Variants in LRBA observed in about 807,000 individuals in gnomAD.
The protein encoded by LRBA is LPS responsive beige-like anchor protein, also known as lipopolysaccharide-responsive and beige-like anchor protein.
A neutral mutation model predicts 330.0 loss-of-function variants in LRBA; 176 were observed. The observed-to-expected ratio is 0.53, with a 90% confidence interval of 0.47 to 0.60. LRBA has a LOEUF of 0.60. LRBA is among the 20% of genes least tolerant of loss of function. The pLI, the probability that LRBA is intolerant of heterozygous loss-of-function variation, is 0.00. For synonymous variants in LRBA, 1,230 were observed against 1,193.0 expected (o/e 1.03, Z -0.64); for missense variants, 3,259 against 3,444.8 (o/e 0.95, Z 1.35).
chr4:150,861,221 G>A (rs1401438982), intron 22 of LRBA, among the ~76,000 whole-genome samples: 2 of 151,560 alleles, frequency 1.3e-5, no homozygotes, highest in East Asian at 3.9e-4. Context: ...TCCCACCTCA[G>A]CCTCCTGAGT....
At chr4:150,560,272 C>A (rs540963542) in intron 40 of LRBA, among the ~76,000 whole-genome samples, 1 of 151,478 alleles carries the variant, frequency 6.6e-6, no homozygotes, top group African/African-American at 2.4e-5. Context: ...AGAGAGAGCA[C>A]GAATGATAAA....
At position 150,873,472 on chromosome 4, in the gene LRBA, T is replaced by C. The variant is rs994421698; in HGVS notation, c.2166-717A>G. ...TGGGTGTGGTGGCATGTGCCTCTAATCCAGCTTCTCGGGAGGCTGAGGCAG... is the reference window on the plus strand; with the variant it reads ...TGGGTGTGGTGGCATGTGCCTCTAACCCAGCTTCTCGGGAGGCTGAGGCAG... On this transcript the variant is annotated intron_variant, in intron 17 of 56. Transcript: ENST00000651943. Among the ~76,000 whole-genome samples, 46 of 151,970 alleles carry C rather than the reference T, an allele frequency of 3.0e-4. 1 individual carries two copies. The highest frequency in any genetic ancestry group is 3.4e-3 in the Middle Eastern group (1 of 292).
intron 50 of LRBA, among the ~76,000 whole-genome samples, chr4:150,316,637 G>C (rs891986528): frequency 6.6e-6 from 1 of 152,122 alleles, no homozygotes. Context: ...ATTATTGCTT[G>C]GTTGGTATTA....
intron 40 of LRBA, among the ~76,000 whole-genome samples, chr4:150,509,405 T>C (rs928203483): frequency 6.6e-6 from 1 of 152,022 alleles, no homozygotes; most frequent in Non-Finnish European, 1.5e-5. Context: ...GCTAAAGCAG[T>C]ACTTAGAGGG....
intron 34 of LRBA, among the ~76,000 whole-genome samples, chr4:150,784,628 T>G (rs1374830464): frequency 1.3e-5 from 2 of 152,216 alleles, no homozygotes; most frequent in Non-Finnish European, 2.9e-5. Context: ...TACATATACC[T>G]GACTGGTATC....
intron 47 of LRBA, among the ~76,000 whole-genome samples, chr4:150,378,804 A>C (rs185276682): frequency 3.9e-4 from 60 of 152,328 alleles, no homozygotes; most frequent in African/African-American, 1.4e-3. Flanking sequence ...AATGACAATA[A>C]TGTTATGACT....
At chr4:150,574,709 TTTGA>T (rs1379370338) in intron 40 of LRBA, among the ~76,000 whole-genome samples, 1 of 152,062 alleles carries the variant, frequency 6.6e-6, no homozygotes, top group African/African-American at 2.4e-5. Flanking sequence ...TATAGAAAGC[TTTGA>T]TTAGCAGAAA....
chr4:150,309,164 T>C (rs1267374189), intron 52 of LRBA, among the ~76,000 whole-genome samples: 1 of 152,206 alleles, frequency 6.6e-6, no homozygotes, highest in African/African-American at 2.4e-5. Flanking sequence ...TCTTATACCA[T>C]ACTTTTACTG....
intron 36 of LRBA, among the ~76,000 whole-genome samples, chr4:150,726,874 T>C (rs909767749): frequency 6.6e-6 from 1 of 150,756 alleles, no homozygotes; most frequent in Non-Finnish European, 1.5e-5. Context: ...CAACTAAATA[T>C]ATAAGGAAAA....
intron 37 of LRBA, among the ~76,000 whole-genome samples, chr4:150,628,374 C>T (rs1359671290): frequency 6.6e-6 from 1 of 152,086 alleles, no homozygotes; most frequent in Admixed American, 6.6e-5. Context: ...TTTGAGCAGG[C>T]TTTGCTCCAT....
intron 40 of LRBA, among the ~76,000 whole-genome samples, chr4:150,514,248 T>C (rs1344688057): frequency 3.3e-5 from 5 of 152,108 alleles, no homozygotes; most frequent in African/African-American, 1.2e-4. Context: ...AATTTTGTAT[T>C]TTTAGTAGAG....
intron 37 of LRBA, among the ~76,000 whole-genome samples, chr4:150,600,006 T>C (rs937605102): frequency 6.6e-6 from 1 of 152,174 alleles, no homozygotes; most frequent in Non-Finnish European, 1.5e-5. Context: ...CATTTCAAAT[T>C]CTATATTTCC....
chr4:150,984,929 A>G (rs1255424195), intron 2 of LRBA, among the ~76,000 whole-genome samples: 2 of 152,328 alleles, frequency 1.3e-5, no homozygotes, highest in East Asian at 3.9e-4. Flanking sequence ...TTGTCTATCT[A>G]GCTATCTAAC....
intron 28 of LRBA, among the ~76,000 whole-genome samples, chr4:150,832,911 A>C (rs2126831275): frequency 6.6e-6 from 1 of 152,240 alleles, no homozygotes; most frequent in African/African-American, 2.4e-5. Flanking sequence ...CTAGGACTAC[A>C]AGAATACACC....
Position 151,009,010 on chromosome 4 carries a change from TATATATATATATATATAA to T in LRBA, c.216+5399_216+5416del, listed in dbSNP as rs1350022801. On this transcript the variant is annotated intron_variant, in intron 2 of 56. Coordinates refer to ENST00000651943, the MANE Select transcript of LRBA (RefSeq NM_001364905.1). ...AAAAATATATATATATATATATATA[TATATATATATATATATAA>T]AATGGTATTTTTTTTTCTTATACAG... Among the ~76,000 whole-genome samples, 7 of 31,404 alleles carry T rather than the reference TATATATATATATATATAA, an allele frequency of 2.2e-4. 1 individual carries two copies. Among genetic ancestry groups the T allele is most frequent in the South Asian group, 1.2e-3 (1 of 850 alleles). The allele number at this position is 31,404 out of a possible 152,430, so 20.6% of individuals were successfully genotyped here.
chr4:150,892,457 C>T (rs1160638089), intron 17 of LRBA, among the ~76,000 whole-genome samples: 1 of 152,212 alleles, frequency 6.6e-6, no homozygotes, highest in Non-Finnish European at 1.5e-5. Flanking sequence ...CTCTCTTTCT[C>T]TCTCTGCTAC....
chr4:150,726,040 G>A (rs1383628879), intron 36 of LRBA, among the ~76,000 whole-genome samples: 1 of 151,998 alleles, frequency 6.6e-6, no homozygotes, highest in Non-Finnish European at 1.5e-5. Flanking sequence ...TACCACCAGA[G>A]AAAACCACCT....
intron 40 of LRBA, among the ~76,000 whole-genome samples, chr4:150,543,075 T>C (rs2152228577): frequency 6.6e-6 from 1 of 152,330 alleles, no homozygotes. Flanking sequence ...CTCAAGGGGC[T>C]TTGCTAATTA....
intron 34 of LRBA, among the ~76,000 whole-genome samples, chr4:150,772,711 C>A (rs971338715): frequency 1.3e-5 from 2 of 152,144 alleles, no homozygotes; most frequent in Non-Finnish European, 2.9e-5. Flanking sequence ...AGGGGCCCGT[C>A]AAAGGCTCCA....
Sources: allele counts gnomAD v4.1 joint callset (sites outside exome capture counted in the v4.1 genomes callset), GRCh38; gene constraint gnomAD v4.1.1; transcripts MANE v1.5; gene names NCBI Gene and HGNC (gene_info 2026-07-23, HGNC 2026-07-21).